Variants in LTBP2 observed in about 807,000 individuals in gnomAD.
LTBP2 encodes the protein latent-transforming growth factor beta-binding protein 2.
LTBP2 carries 103 observed loss-of-function variants against 210.6 expected under a neutral mutation model. The observed-to-expected ratio is 0.49, with a 90% CI of 0.42 to 0.58. LTBP2 has a LOEUF of 0.58. Among genes scored for constraint, LTBP2 ranks in the 20% least tolerant of loss-of-function variants. LTBP2 has a pLI of 0.00. For missense variants in LTBP2, 2,313 were observed against 2,494.5 expected (o/e 0.93, Z 1.55); for synonymous variants, 1,007 against 1,015.0 (o/e 0.99, Z 0.15).
intron 3 of LTBP2, among the ~76,000 whole-genome samples, chr14:74,579,572 G>A (rs1466506839): frequency 2.0e-5 from 3 of 152,220 alleles, no homozygotes; most frequent in African/African-American, 7.2e-5. Context: ...TCTGAGGTAG[G>A]GAGCCTCTGC....
In LTBP2 at chr14:74,509,337, C is replaced by A; in HGVS notation, c.3304G>T (p.Val1102Phe). 6.2e-7 allele frequency: 1 copy of A among 1,613,440 alleles called. No homozygotes were observed. The highest frequency in any genetic ancestry group is 8.5e-7 in the Non-Finnish European group (1 of 1,179,950). ...TTGGTGCAGACTCCGGAGGGGCAGA[C>A]TCCCGGGAAGGCACACTCATCTAGG... ...EDLDECAFPGVCPSGVCTNTA... is the reference protein window; with the variant it reads ...EDLDECAFPGFCPSGVCTNTA... The change falls in exon 22 of 36, where the codon GTC becomes TTC. Residue 1102 changes from valine to phenylalanine, a missense_variant. Coordinates refer to ENST00000261978, the MANE Select transcript of LTBP2 (RefSeq NM_000428.3).
Position 74,607,510 on chromosome 14 carries a change from T to C in LTBP2, c.495-3805A>G, listed in dbSNP as rs537983776. Among the ~76,000 whole-genome samples the C allele has an allele frequency of 3.0e-4, 46 of 152,316 alleles. 1 individual carries two copies. In the South Asian group the frequency reaches 8.7e-3, roughly 29 times the overall value. On this transcript the variant is annotated intron_variant, in intron 1 of 35. Coordinates refer to ENST00000261978, the MANE Select transcript of LTBP2 (RefSeq NM_000428.3). ...AGTAGAATTTTTAGAAAATTACTTTTAGAAAAAGTAATTCATCTAAATGTC... is the reference window on the plus strand; with the variant it reads ...AGTAGAATTTTTAGAAAATTACTTTCAGAAAAAGTAATTCATCTAAATGTC...
intron 1 of LTBP2, among the ~76,000 whole-genome samples, chr14:74,605,307 C>T (rs2088509781): frequency 6.6e-6 from 1 of 152,238 alleles, no homozygotes; most frequent in Admixed American, 6.5e-5. Context: ...ATTCCTGGCC[C>T]TTTGGCCCAA....
intron 3 of LTBP2, among the ~76,000 whole-genome samples, chr14:74,575,366 T>C (rs547513445): frequency 1.3e-5 from 2 of 152,366 alleles, no homozygotes; most frequent in South Asian, 2.1e-4. Context: ...AAGGACGGCC[T>C]TGAAGCAATA....
Position 74,509,257 on chromosome 14 carries a change from G to C in LTBP2, c.3384C>G (p.Pro1128=). 6.2e-7 allele frequency: 1 copy of C among 1,613,634 alleles called. No homozygotes were observed. Among genetic ancestry groups the C allele is most frequent in the Non-Finnish European group, 8.5e-7 (1 of 1,179,988 alleles). The change falls in exon 22 of 36, where the codon CCC becomes CCG. Residue 1128 remains proline (P), a synonymous_variant. Transcript: ENST00000261978. ...TCATACCTTCACAGGAGTCACCCAG[G>C]GGGCTGGGCCGGTAGCCCCCATCGC... The part of the protein sequence containing the change: ...KDCDGGYRPS[P]LGDSCEDVDE...
chr14:74,541,864 T>C (rs1254754454), intron 8 of LTBP2, among the ~76,000 whole-genome samples: 1 of 152,106 alleles, frequency 6.6e-6, no homozygotes, highest in Admixed American at 6.5e-5. Flanking sequence ...CGGGCAGAAC[T>C]GACAAAGGAA....
In LTBP2 at chr14:74,501,482, A is replaced by G; in HGVS notation, c.5279T>C (p.Phe1760Ser). 6.2e-7 allele frequency: 1 copy of G among 1,614,072 alleles called. No homozygotes were observed. Among genetic ancestry groups the G allele is most frequent in the Non-Finnish European group, 8.5e-7 (1 of 1,179,978 alleles). ...RVREGYTCDC[F>S]EGFQLDAAHM... ...GGCCGCATCCAGCTGGAAGCCCTCA[A>G]AACAGTCACAGGTGTAGCCCTCCCG... Residue 1760 changes from phenylalanine (F) to serine (S), a missense_variant, in exon 35 of 36, where the codon TTT becomes TCT. Transcript: ENST00000261978.
intron 10 of LTBP2, 24 bp downstream of exon 10, chr14:74,532,402 C>A (rs768465041): frequency 5.0e-6 from 8 of 1,613,270 alleles, no homozygotes; most frequent in African/African-American, 4.0e-5. Context: ...TGTCCACCCC[C>A]ACCCCATCCC....
At chr14:74,550,916 C>T (rs764278105) in intron 7 of LTBP2, 148 bp downstream of exon 7, 2 of 1,026,144 alleles carry the variant, frequency 1.9e-6, no homozygotes, top group Non-Finnish European at 2.9e-6. Flanking sequence ...CAATTTCATG[C>T]CTTGGGTTTT....
At chr14:74,583,580 G>A (rs2088165160) in intron 3 of LTBP2, among the ~76,000 whole-genome samples, 1 of 152,222 alleles carries the variant, frequency 6.6e-6, no homozygotes, top group African/African-American at 2.4e-5. Context: ...GCCCTGCTGT[G>A]GGCCAGAGAC....
Position 74,506,069 on chromosome 14 carries a change from A to AGTGCCCCTCCTGGGCATC in LTBP2, c.4138_4155dup (p.Asp1380_His1385dup). On this transcript the variant is annotated inframe_insertion, in exon 28 of 36. Coordinates refer to ENST00000261978, the MANE Select transcript of LTBP2 (RefSeq NM_000428.3). ...TCACCTCCAGCCCCCCGTGGGCGGC[A>AGTGCCCCTCCTGGGCATC]GTGCCCCTCCTGGGCATCGTACTCC... 6 of 1,614,150 alleles carry AGTGCCCCTCCTGGGCATC rather than the reference A, an allele frequency of 3.7e-6. No individual in the cohort carries two copies. The highest frequency in any genetic ancestry group is 5.1e-6 in the Non-Finnish European group (6 of 1,180,030).
intron 8 of LTBP2, among the ~76,000 whole-genome samples, chr14:74,540,074 C>T (rs2087473041): frequency 6.6e-6 from 1 of 152,168 alleles, no homozygotes; most frequent in Non-Finnish European, 1.5e-5. Flanking sequence ...ACAACCTCCA[C>T]CCCAAAACCA....
intron 17 of LTBP2, among the ~76,000 whole-genome samples, chr14:74,520,387 G>A (rs1175477083): frequency 2.0e-5 from 3 of 152,178 alleles, no homozygotes; most frequent in African/African-American, 7.2e-5. Flanking sequence ...TCACCTCTGA[G>A]CCTCAGTTTG....
chr14:74,517,383 C>T (rs965300656), intron 17 of LTBP2, among the ~76,000 whole-genome samples: 9 of 151,424 alleles, frequency 5.9e-5, no homozygotes, highest in East Asian at 5.9e-4. Flanking sequence ...GACGGAGTTT[C>T]GCTCTTGTTG....
At chr14:74,598,291 G>A (rs1340635518) in intron 2 of LTBP2, among the ~76,000 whole-genome samples, 1 of 152,176 alleles carries the variant, frequency 6.6e-6, no homozygotes, top group Non-Finnish European at 1.5e-5. Flanking sequence ...GGACTGAGAT[G>A]GGGACTTGGG....
chr14:74,553,915 C>T (rs1024625078), intron 4 of LTBP2, among the ~76,000 whole-genome samples: 2 of 123,110 alleles, frequency 1.6e-5, no homozygotes, highest in South Asian at 2.8e-4. Flanking sequence ...AGGAAGAAAG[C>T]GGAGAAACGT....
rs760909881 is a variant in LTBP2 at position 74,503,399 on chromosome 14, G to A, written c.4721-13C>T. On this transcript the variant is annotated splice_polypyrimidine_tract_variant and intron_variant, in intron 32 of 35. Coordinates refer to ENST00000261978, the MANE Select transcript of LTBP2 (RefSeq NM_000428.3). ...TCAGGGAGGTCCTCTGGTGGCACAG[G>A]GCACGGAGGCACATGAGCCCCCCAG... is the stretch of plus-strand genomic sequence containing the variant. The A allele has an allele frequency of 1.2e-6, 2 of 1,611,088 alleles. No homozygotes were observed. Among genetic ancestry groups the A allele is most frequent in the Admixed American group, 1.7e-5 (1 of 59,836 alleles).
At chr14:74,534,952 T>C (rs1244167087) in intron 9 of LTBP2, among the ~76,000 whole-genome samples, 1 of 151,984 alleles carries the variant, frequency 6.6e-6, no homozygotes, top group Non-Finnish European at 1.5e-5. Flanking sequence ...AAGCTCCAGA[T>C]TGGGAAACAT....
chr14:74,579,431 G>C (rs1391649046), intron 3 of LTBP2, among the ~76,000 whole-genome samples: 2 of 152,214 alleles, frequency 1.3e-5, no homozygotes, highest in Non-Finnish European at 2.9e-5. Flanking sequence ...GAAACCCGTG[G>C]GCTCACTCTC....
Sources: allele counts gnomAD v4.1 joint callset (sites outside exome capture counted in the v4.1 genomes callset), GRCh38; gene constraint gnomAD v4.1.1; transcripts MANE v1.5; gene names NCBI Gene and HGNC (gene_info 2026-07-23, HGNC 2026-07-21).